The following STIM1 variants were observed in gnomAD, a reference collection of about 807,000 sequenced individuals.
STIM1 encodes the protein stromal interaction molecule 1.
In STIM1, 25 loss-of-function variants were observed where a neutral mutation model predicts 74.7. That is an observed-to-expected ratio of 0.33 (90% confidence interval 0.24 to 0.47). The LOEUF is 0.47. Ranked by LOEUF, STIM1 falls within the 20% of genes least tolerant of loss-of-function variation. The pLI is 1.00. For missense variants in STIM1, 728 were observed against 920.8 expected, an observed-to-expected ratio of 0.79 and a Z score of 2.71; for synonymous variants, 328 against 348.8, an observed-to-expected ratio of 0.94 and a Z score of 0.66.
intron 3 of STIM1, among the ~76,000 whole-genome samples, chr11:4,051,799 A>G: frequency 6.6e-6 from 1 of 152,136 alleles, no homozygotes; most frequent in East Asian, 1.9e-4. Context: ...GGTGTGCACC[A>G]CCACACCTGG....
chr11:4,005,282 G>A (rs184637821), intron 2 of STIM1, among the ~76,000 whole-genome samples: 119 of 152,180 alleles, frequency 7.8e-4, no homozygotes, highest in African/African-American at 2.4e-3. Context: ...ACACATGCAC[G>A]CGTATGTTTA....
Position 3,864,719 on chromosome 11 carries a change from G to T in STIM1, c.139+8310G>T, listed in dbSNP as rs114576783. Among the ~76,000 whole-genome samples, 730 of 152,332 alleles carry T rather than the reference G, an allele frequency of 4.8e-3. 3 individuals carry two copies. Among genetic ancestry groups the T allele is most frequent in the African/African-American group, 0.017 (698 of 41,568 alleles). ...ACATAAGGGCATGAACACTAGGAGG[G>T]CAAGGACCGCTAGGGATCATCTTAA... On this transcript the variant is annotated intron_variant, in intron 1 of 12. Transcript: ENST00000526596.
intron 3 of STIM1, among the ~76,000 whole-genome samples, chr11:4,051,012 C>T (rs1565160368): frequency 1.3e-5 from 2 of 151,698 alleles, no homozygotes; most frequent in African/African-American, 2.4e-5. Context: ...CTTGCTGTCT[C>T]AGGGGTGGCA....
chr11:3,958,889 G>A (rs2093251639), intron 1 of STIM1, among the ~76,000 whole-genome samples: 2 of 150,930 alleles, frequency 1.3e-5, no homozygotes, highest in Non-Finnish European at 2.9e-5. Context: ...AGGTTGCAGT[G>A]AGTCGAGATC....
At chr11:3,914,898 A>G (rs1201802174) in intron 1 of STIM1, among the ~76,000 whole-genome samples, 1 of 151,432 alleles carries the variant, frequency 6.6e-6, no homozygotes, top group Non-Finnish European at 1.5e-5. Flanking sequence ...ATTTTTCCAC[A>G]TCTTTGCCAG....
chr11:3,895,654 CTTTCTTTCTTTCTTTCT>C lies in STIM1; in HGVS notation c.139+39248_139+39264del, dbSNP rs1565104646. On this transcript the variant is annotated intron_variant, in intron 1 of 12. Coordinates refer to ENST00000526596, the MANE Select transcript of STIM1 (RefSeq NM_001382567.1). ...TCTTTCTTTCTTTCTTTCTTTCTTT[CTTTCTTTCTTTCTTTCT>C]TTCCTTCCTTCCTTCTTTCTTTCTT... Among the ~76,000 whole-genome samples, 30 of 14,366 alleles carry C rather than the reference CTTTCTTTCTTTCTTTCT, an allele frequency of 2.1e-3. 2 individuals carry two copies. The highest frequency in any genetic ancestry group is 6.7e-3 in the Admixed American group (7 of 1,040). 9.4% of individuals were successfully genotyped at this position (14,366 alleles called of 152,430 possible).
At chr11:4,053,924 G>C (rs191521778) in intron 3 of STIM1, among the ~76,000 whole-genome samples, 2 of 152,094 alleles carry the variant, frequency 1.3e-5, no homozygotes, top group Non-Finnish European at 2.9e-5. Context: ...AGATTATCTT[G>C]ACCAGTGCTG....
At chr11:3,964,933 C>A (rs905477078) in intron 1 of STIM1, among the ~76,000 whole-genome samples, 2 of 152,130 alleles carry the variant, frequency 1.3e-5, no homozygotes, top group African/African-American at 4.8e-5. Context: ...CCATGTTGCC[C>A]AGGCTAGTCT....
chr11:4,074,403 G>A (rs1270134837), intron 6 of STIM1, 99 bp from the exon 7 acceptor site: 10 of 1,406,266 alleles, frequency 7.1e-6, no homozygotes, highest in African/African-American at 1.4e-5. Flanking sequence ...TATGCTGAGA[G>A]TTGGAGCTGT....
intron 1 of STIM1, among the ~76,000 whole-genome samples, chr11:3,894,053 T>G (rs1466223641): frequency 1.3e-5 from 2 of 151,974 alleles, no homozygotes; most frequent in Non-Finnish European, 2.9e-5. Flanking sequence ...GGACTAGAGG[T>G]GTGAGCCACC....
At chr11:4,086,387 C>T (rs2094493099) in intron 11 of STIM1, 90 bp from the exon 12 acceptor site, 1 of 1,493,176 alleles carries the variant, frequency 6.7e-7, no homozygotes, top group Non-Finnish European at 9.2e-7. Flanking sequence ...CCAGGGTGGT[C>T]TCCAGCAAGC....
chr11:3,936,277 C>A (rs1452025620), intron 1 of STIM1, among the ~76,000 whole-genome samples: 2 of 152,188 alleles, frequency 1.3e-5, no homozygotes, highest in Admixed American at 6.5e-5. Flanking sequence ...GCTGTGCTAC[C>A]TTTCATCTCT....
Position 3,856,023 on chromosome 11 carries a change from G to A in STIM1, c.-248G>A, listed in dbSNP as rs199914780. On this transcript the variant is annotated 5_prime_UTR_variant, in exon 1 of 13. Coordinates refer to ENST00000526596, the MANE Select transcript of STIM1 (RefSeq NM_001382567.1). Reference sequence around the variant, plus strand: ...TGCCCGAAGTCTCCGGAAGCGGCACGAGCTCAGGCCGCCGCAGCCCCGGCG... The same window carrying A: ...TGCCCGAAGTCTCCGGAAGCGGCACAAGCTCAGGCCGCCGCAGCCCCGGCG... The A allele has an allele frequency of 1.8e-6, 1 of 547,540 alleles. No homozygotes were observed. Among genetic ancestry groups the A allele is most frequent in the Non-Finnish European group, 3.3e-6 (1 of 303,244 alleles). 33.9% of individuals were successfully genotyped at this position (547,540 alleles called of 1,614,324 possible). A position where few individuals can be genotyped will look rare whatever the true frequency, so the allele number is the denominator to read the frequency against.
At chr11:3,993,799 A>C (rs951222930) in intron 2 of STIM1, among the ~76,000 whole-genome samples, 1 of 152,240 alleles carries the variant, frequency 6.6e-6, no homozygotes, top group African/African-American at 2.4e-5. Flanking sequence ...CCAGATCTTC[A>C]TTATGAATCA....
Position 4,074,683 on chromosome 11 carries a change from G to A in STIM1, c.969+4G>A. The A allele has an allele frequency of 1.9e-6, 3 of 1,554,612 alleles. No homozygotes were observed. Among genetic ancestry groups the A allele is most frequent in the Non-Finnish European group, 2.6e-6 (3 of 1,148,482 alleles). On this transcript the variant is annotated splice_donor_region_variant and intron_variant, in intron 7 of 12. Transcript: ENST00000526596. ...TGCTGAGGAGGAGTTGGAGCAGGTA[G>A]GAGAGTCCACAAATTCCTGGACACC...
At position 3,895,666 on chromosome 11, in the gene STIM1, CTTT is replaced by C. The variant is rs1565104763; in HGVS notation, c.139+39258_139+39260del. ...TCTTTCTTTCTTTCTTTCTTTCTTT[CTTT>C]CTTTCCTTCCTTCCTTCTTTCTTTC... On this transcript the variant is annotated intron_variant, in intron 1 of 12. Transcript: ENST00000526596. Among the ~76,000 whole-genome samples the C allele has an allele frequency of 7.2e-3, 300 of 41,688 alleles. 4 individuals carry two copies. Among genetic ancestry groups the C allele is most frequent in the Admixed American group, 0.016 (58 of 3,740 alleles). The allele number at this position is 41,688 out of a possible 152,430, so 27.3% of individuals were successfully genotyped here. A position where few individuals can be genotyped will look rare whatever the true frequency, so the allele number is the denominator to read the frequency against.
In STIM1 at chr11:3,990,891, A is replaced by T. The variant is rs144985557; in HGVS notation, c.270+23209A>T. 3.2e-3 allele frequency among the ~76,000 whole-genome samples: 484 copies of T among 151,724 alleles called. 3 individuals are homozygous for T. Among genetic ancestry groups the T allele is most frequent in the African/African-American group, 0.011 (451 of 41,376 alleles). On this transcript the variant is annotated intron_variant, in intron 2 of 12. Transcript: ENST00000526596. ...ATATTGCGTGATGCTGAGGTTTGGG[A>T]TTCTATTGATTTTCTTATGCAGATA... is the stretch of plus-strand genomic sequence containing the variant.
intron 1 of STIM1, among the ~76,000 whole-genome samples, chr11:3,887,209 G>A (rs981301546): frequency 3.3e-5 from 5 of 152,156 alleles, no homozygotes; most frequent in African/African-American, 1.2e-4. Flanking sequence ...CATGCACTGG[G>A]TGAGGGCCTC....
At chr11:3,946,855 CTG>C (rs1251408608) in intron 1 of STIM1, among the ~76,000 whole-genome samples, 1 of 152,174 alleles carries the variant, frequency 6.6e-6, no homozygotes, top group East Asian at 1.9e-4. Flanking sequence ...GGCTCTGCCA[CTG>C]TGTGACTGTG....
Sources: allele counts gnomAD v4.1 joint callset (sites outside exome capture counted in the v4.1 genomes callset), GRCh38; gene constraint gnomAD v4.1.1; transcripts MANE v1.5; gene names NCBI Gene and HGNC (gene_info 2026-07-23, HGNC 2026-07-21).